The following SBF2 variants were observed in gnomAD, a reference collection of about 807,000 sequenced individuals.
The protein encoded by SBF2 is myotubularin-related protein 13.
SBF2 carries 112 observed loss-of-function variants against 225.2 expected under a neutral mutation model. That is an observed-to-expected ratio of 0.50 (90% CI 0.43 to 0.58). The LOEUF is 0.58. SBF2 is among the 20% of genes least tolerant of loss of function. The pLI is 0.00. For missense variants in SBF2, 1,996 were observed against 2,206.2 expected, an observed-to-expected ratio of 0.90 and a Z score of 1.91; for synonymous variants, 763 against 773.3, an observed-to-expected ratio of 0.99 and a Z score of 0.22.
At chr11:10,040,287 T>G (rs1050315638) in intron 3 of SBF2, among the ~76,000 whole-genome samples, 1 of 151,932 alleles carries the variant, frequency 6.6e-6, no homozygotes, top group African/African-American at 2.4e-5. Flanking sequence ...CAGACAGGCA[T>G]TGTGGACTTC....
intron 1 of SBF2, among the ~76,000 whole-genome samples, chr11:10,224,463 T>A (rs749662325): frequency 2.0e-5 from 3 of 152,174 alleles, no homozygotes; most frequent in Non-Finnish European, 2.9e-5. Context: ...TAATAAAATC[T>A]AAGCTCCTTA....
intron 16 of SBF2, chr11:9,958,742 GT>G: frequency 4.7e-6 from 2 of 425,246 alleles, no homozygotes; most frequent in Non-Finnish European, 4.7e-6. Context: ...AGTTCACTTA[GT>G]TTTTGTACTG....
intron 1 of SBF2, among the ~76,000 whole-genome samples, chr11:10,228,951 CTTT>C (rs929222253): frequency 6.8e-6 from 1 of 147,502 alleles, no homozygotes; most frequent in African/African-American, 2.5e-5. Context: ...TGGTCCTGGA[CTTT>C]TTTTTTTGGT....
chr11:10,184,639 C>T (rs773717472), intron 2 of SBF2, among the ~76,000 whole-genome samples: 10 of 152,204 alleles, frequency 6.6e-5, no homozygotes, highest in Non-Finnish European at 1.2e-4. Flanking sequence ...CCCCTGGCAA[C>T]CACCATTCTA....
At chr11:10,144,580 A>T (rs182105907) in intron 2 of SBF2, among the ~76,000 whole-genome samples, 1 of 152,358 alleles carries the variant, frequency 6.6e-6, no homozygotes, top group Admixed American at 6.5e-5. Flanking sequence ...CTTTACAAGA[A>T]CTATGCTTCT....
chr11:9,988,336 G>C (rs1947280135), intron 13 of SBF2, among the ~76,000 whole-genome samples: 1 of 152,114 alleles, frequency 6.6e-6, no homozygotes, highest in Admixed American at 6.5e-5. Flanking sequence ...AACCCTTCTA[G>C]ACATTGGCTT....
At chr11:9,864,789 G>A (rs748162293) in intron 17 of SBF2, among the ~76,000 whole-genome samples, 13 of 152,112 alleles carry the variant, frequency 8.5e-5, no homozygotes, top group Non-Finnish European at 1.6e-4. Flanking sequence ...TTCCTTTGTG[G>A]TCCAGAAATT....
chr11:9,934,055 C>T (rs994121498), intron 16 of SBF2, among the ~76,000 whole-genome samples: 2 of 151,318 alleles, frequency 1.3e-5, no homozygotes, highest in Non-Finnish European at 2.9e-5. Context: ...GCACTCTAGC[C>T]TGGGTGACAG....
chr11:10,092,655 G>A (rs1951829624), intron 2 of SBF2, among the ~76,000 whole-genome samples: 1 of 152,202 alleles, frequency 6.6e-6, no homozygotes, highest in African/African-American at 2.4e-5. Flanking sequence ...CTGTACAGAA[G>A]CCGTAATTTC....
At chr11:10,174,990 C>G (rs1203075986) in intron 2 of SBF2, among the ~76,000 whole-genome samples, 1 of 151,692 alleles carries the variant, frequency 6.6e-6, no homozygotes, top group Non-Finnish European at 1.5e-5. Flanking sequence ...CAGGCCTGCC[C>G]TAAAAGAGCT....
chr11:10,179,169 G>C (rs985628890), intron 2 of SBF2, among the ~76,000 whole-genome samples: 6 of 146,428 alleles, frequency 4.1e-5, no homozygotes, highest in Non-Finnish European at 6.0e-5. Flanking sequence ...ACAGGAAGGG[G>C]AACATCACAC....
At chr11:10,013,229 C>T (rs1401299430) in intron 6 of SBF2, among the ~76,000 whole-genome samples, 1 of 152,190 alleles carries the variant, frequency 6.6e-6, no homozygotes, top group Non-Finnish European at 1.5e-5. Context: ...CGTTTTTCTC[C>T]TTTCATCTCC....
At chr11:9,927,249 C>T (rs1402168509) in intron 16 of SBF2, among the ~76,000 whole-genome samples, 1 of 152,108 alleles carries the variant, frequency 6.6e-6, no homozygotes, top group Admixed American at 6.6e-5. Context: ...AAGTTAAAAA[C>T]CTTCTCATAA....
intron 13 of SBF2, among the ~76,000 whole-genome samples, chr11:9,984,914 A>C (rs914359010): frequency 2.0e-5 from 3 of 152,230 alleles, no homozygotes; most frequent in Non-Finnish European, 4.4e-5. Flanking sequence ...CCACCACTAC[A>C]AGAACTGCTA....
intron 13 of SBF2, among the ~76,000 whole-genome samples, chr11:9,988,883 C>T (rs1947301941): frequency 6.6e-6 from 1 of 152,104 alleles, no homozygotes; most frequent in African/African-American, 2.4e-5. Context: ...ACCATTTGAT[C>T]CAGCAATCAC....
chr11:10,241,776 A>G (rs1472066289), intron 1 of SBF2, among the ~76,000 whole-genome samples: 4 of 152,122 alleles, frequency 2.6e-5, no homozygotes, highest in Non-Finnish European at 4.4e-5. Flanking sequence ...AGGTTCCAAA[A>G]TTCATTTCTC....
intron 2 of SBF2, among the ~76,000 whole-genome samples, chr11:10,058,447 A>G (rs1950326581): frequency 6.6e-6 from 1 of 152,204 alleles, no homozygotes; most frequent in Non-Finnish European, 1.5e-5. Context: ...CTCAAAAAAG[A>G]TGGTCAGACA....
intron 2 of SBF2, among the ~76,000 whole-genome samples, chr11:10,183,050 C>T (rs921751794): frequency 1.3e-5 from 2 of 152,104 alleles, no homozygotes; most frequent in Non-Finnish European, 1.5e-5. Context: ...GGATTACAGG[C>T]GTGAGCCACT....
chr11:10,137,145 A>G (rs1004426017), intron 2 of SBF2, among the ~76,000 whole-genome samples: 6 of 152,212 alleles, frequency 3.9e-5, no homozygotes, highest in African/African-American at 1.2e-4. Flanking sequence ...ACCTAAATAC[A>G]TCATTTCTTT....
Sources: gnomAD v4.1 joint callset for allele counts (sites outside exome capture counted in the v4.1 genomes callset) on GRCh38, gnomAD v4.1.1 for gene constraint, MANE v1.5 for transcripts, NCBI Gene and HGNC (gene_info 2026-07-23, HGNC 2026-07-21) for gene names.